The following AKR1C3 variants were observed in gnomAD, a reference collection of about 807,000 sequenced individuals.
AKR1C3 encodes the protein aldo-keto reductase family 1 member C3.
AKR1C3 carries 48 observed loss-of-function variants against 43.6 expected under a neutral mutation model. The ratio of observed to expected loss-of-function variants is 1.10; its 90% CI spans 0.87 to 1.40. AKR1C3 has a LOEUF of 1.40. Ranked by LOEUF, AKR1C3 falls within the 40% of genes most tolerant of loss-of-function variation. The pLI is 0.00. For synonymous variants in AKR1C3, 162 were observed against 139.6 expected (o/e 1.16, Z -1.13); for missense variants, 482 against 391.2 (o/e 1.23, Z -1.96).
intron 1 of AKR1C3, among the ~76,000 whole-genome samples, chr10:5,050,360 T>A (rs1243129806): frequency 7.2e-6 from 1 of 138,914 alleles, no homozygotes; most frequent in Non-Finnish European, 1.5e-5. Flanking sequence ...AAAGAAGGAG[T>A]GTGGATGCAA....
intron 1 of AKR1C3, among the ~76,000 whole-genome samples, chr10:5,089,018 G>C (rs1554783669): frequency 6.6e-6 from 1 of 151,998 alleles, no homozygotes; most frequent in African/African-American, 2.4e-5. Context: ...AAATTTGCTT[G>C]TCTGTGAAAG....
intron 1 of AKR1C3, among the ~76,000 whole-genome samples, chr10:5,087,369 A>G (rs955678429): frequency 8.5e-6 from 1 of 117,560 alleles, no homozygotes; most frequent in Non-Finnish European, 1.7e-5. Context: ...TGTCACCTTT[A>G]TCATTTCTTT....
At chr10:5,097,733 C>A in intron 3 of AKR1C3, 183 bp downstream of exon 3, 3 of 1,406,190 alleles carry the variant, frequency 2.1e-6, no homozygotes, top group East Asian at 3.0e-5. Flanking sequence ...TTCTCTAATG[C>A]ACACCTACAA....
At chr10:5,091,917 T>A (rs1173066944), upstream of AKR1C3, among the ~76,000 whole-genome samples, 1 of 152,148 alleles carries the variant, frequency 6.6e-6, no homozygotes, top group African/African-American at 2.4e-5. Flanking sequence ...TGGTTTCAGG[T>A]TACTGTCTAA....
chr10:5,054,144 G>A (rs1209663291), intron 1 of AKR1C3, among the ~76,000 whole-genome samples: 1 of 152,246 alleles, frequency 6.6e-6, no homozygotes, highest in Non-Finnish European at 1.5e-5. Context: ...CTAAGAAGGT[G>A]CAGAGTCCTC....
intron 1 of AKR1C3, chr10:5,081,783 C>T (rs1838842807): frequency 6.6e-6 from 1 of 152,200 alleles, no homozygotes; most frequent in Non-Finnish European, 1.5e-5. Context: ...TAGCATCTGT[C>T]CTGGGCACTG....
At chr10:5,086,929 A>G (rs10795244) in intron 1 of AKR1C3, among the ~76,000 whole-genome samples, 132,060 of 151,660 alleles carry the variant, frequency 0.87, 57,751 homozygotes, top group African/African-American at 0.96. Context: ...CATTTGCTTG[A>G]TAGATCTTCC....
chr10:5,095,409 G>A (rs10904416), intron 1 of AKR1C3, among the ~76,000 whole-genome samples: 40,825 of 150,848 alleles, frequency 0.27, 6,515 homozygotes, highest in Non-Finnish European at 0.36. Flanking sequence ...TGAAAATAAC[G>A]ACACAACTGA....
At chr10:5,083,473 AT>A (rs1249521730) in intron 1 of AKR1C3, among the ~76,000 whole-genome samples, 2 of 152,112 alleles carry the variant, frequency 1.3e-5, no homozygotes, top group African/African-American at 4.8e-5. Context: ...AATCCAGTCT[AT>A]CGTTGTTGGA....
intron 1 of AKR1C3, among the ~76,000 whole-genome samples, chr10:5,052,724 G>A (rs1352509476): frequency 5.3e-5 from 8 of 151,666 alleles, no homozygotes; most frequent in African/African-American, 9.7e-5. Flanking sequence ...CTCCACGTCC[G>A]CACTAGATTA....
chr10:5,073,999 T>C (rs1554781573), intron 1 of AKR1C3, among the ~76,000 whole-genome samples: 1 of 151,786 alleles, frequency 6.6e-6, no homozygotes, highest in African/African-American at 2.4e-5. Flanking sequence ...AAGTCACCCG[T>C]CTGCTCACCG....
rs782090573 is a variant in AKR1C3 at position 5,096,166 on chromosome 10, T to A, written c.85-244T>A. ...TTAACTTTTCCAACAAATCACTGAA[T>A]CTGAGGGTGTTATTTGGTACCTCCA... On this transcript the variant is annotated intron_variant, in intron 1 of 8. Coordinates refer to ENST00000380554, the MANE Select transcript of AKR1C3 (RefSeq NM_003739.6). 4.4e-5 allele frequency: 17 copies of A among 385,716 alleles called. No individual in the cohort carries two copies. The Middle Eastern group carries it at 2.0e-3, about 46-fold the overall frequency. 23.9% of individuals were successfully genotyped at this position (385,716 alleles called of 1,614,324 possible).
At chr10:5,104,763 TTCTCC>T (rs1839456978) in intron 7 of AKR1C3, among the ~76,000 whole-genome samples, 1 of 152,162 alleles carries the variant, frequency 6.6e-6, no homozygotes, top group South Asian at 2.1e-4. Flanking sequence ...TTTTATAACA[TTCTCC>T]ATTAAACCAT....
At chr10:5,104,602 C>T (rs181273020) in intron 7 of AKR1C3, among the ~76,000 whole-genome samples, 1 of 152,248 alleles carries the variant, frequency 6.6e-6, no homozygotes, top group East Asian at 1.9e-4. Flanking sequence ...GAAACATCAA[C>T]ATCCATGAAA....
chr10:5,065,869 G>C (rs1160921899), intron 1 of AKR1C3, among the ~76,000 whole-genome samples: 2 of 152,122 alleles, frequency 1.3e-5, no homozygotes, highest in African/African-American at 4.8e-5. Flanking sequence ...AAATCTTTAT[G>C]GGAGGCAGAG....
chr10:5,094,399 A>G (rs1411593395), upstream of AKR1C3: 1 of 1,607,506 alleles, frequency 6.2e-7, no homozygotes, highest in Non-Finnish European at 8.5e-7. Context: ...GTAATCTCTG[A>G]GGAGAAGCAG....
In AKR1C3 at chr10:5,096,430, G is replaced by A. The variant is rs782292414; in HGVS notation, c.105G>A (p.Leu35=). The A allele has an allele frequency of 3.1e-6, 5 of 1,613,296 alleles. No homozygotes were observed. Among genetic ancestry groups the A allele is most frequent in the Non-Finnish European group, 4.2e-6 (5 of 1,179,508 alleles). Reference sequence around the variant, plus strand: ...TCCAGGTTCCGAGAAGTAAAGCTTTGGAGGTCACAAAATTAGCAATAGAAG... The same window carrying A: ...TCCAGGTTCCGAGAAGTAAAGCTTTAGAGGTCACAAAATTAGCAATAGAAG... The part of the protein sequence containing the change: ...APPEVPRSKA[L]EVTKLAIEAG... Residue 35 remains leucine (L), a synonymous_variant, in exon 2 of 9, where the codon TTG becomes TTA. Transcript: ENST00000380554.
At chr10:5,103,926 T>C (rs897376881) in intron 7 of AKR1C3, among the ~76,000 whole-genome samples, 2 of 151,676 alleles carry the variant, frequency 1.3e-5, no homozygotes, top group African/African-American at 4.9e-5. Flanking sequence ...TAGGTTAATA[T>C]ATATGATAGA....
At chr10:5,058,783 G>A (rs565485271) in intron 1 of AKR1C3, among the ~76,000 whole-genome samples, 2 of 152,058 alleles carry the variant, frequency 1.3e-5, no homozygotes, top group African/African-American at 2.4e-5. Flanking sequence ...GGCTCTTATC[G>A]ACACATTCTC....
Sources: allele counts gnomAD v4.1 joint callset (sites outside exome capture counted in the v4.1 genomes callset), GRCh38; gene constraint gnomAD v4.1.1; transcripts MANE v1.5; gene names NCBI Gene and HGNC (gene_info 2026-07-23, HGNC 2026-07-21).